Variants in MAOB observed in about 807,000 individuals in gnomAD.
The protein encoded by MAOB is amine oxidase [flavin-containing] B.
MAOB carries 15 observed loss-of-function variants against 41.9 expected under a neutral mutation model. That is an observed-to-expected ratio of 0.36 (90% confidence interval 0.24 to 0.55). The LOEUF is 0.55. Among genes scored for constraint, MAOB ranks in the 20% least tolerant of loss-of-function variants. MAOB has a pLI of 0.86. For missense variants in MAOB, 345 were observed against 398.7 expected (o/e 0.87, Z 1.15); for synonymous variants, 167 against 144.2 (o/e 1.16, Z -1.13).
intron 1 of MAOB, among the ~76,000 whole-genome samples, chrX:43,847,373 G>A (rs1258545789): frequency 9.0e-6 from 1 of 111,081 alleles, no homozygotes; most frequent in African/African-American, 3.3e-5. Context: ...AAAATGCCCA[G>A]AGTAATAACA....
chrX:43,802,744 A>C (rs2034611633), intron 4 of MAOB, among the ~76,000 whole-genome samples: 1 of 108,518 alleles, frequency 9.2e-6, no homozygotes, highest in Non-Finnish European at 1.9e-5. Context: ...ACATATGGAC[A>C]CAGGGAGGGG....
chrX:43,782,681 G>C, intron 8 of MAOB, among the ~76,000 whole-genome samples: 1 of 111,052 alleles, frequency 9.0e-6, no homozygotes, highest in Admixed American at 9.6e-5. Context: ...TGGCAGAGAC[G>C]CAACAAAAAA....
In MAOB at chrX:43,795,848, C is replaced by T. The variant is rs980435225; in HGVS notation, c.659G>A (p.Arg220Gln). Residue 220 changes from arginine to glutamine, a missense_variant, in exon 7 of 15, where the codon CGG becomes CAG. Arg to Gln is a conservative substitution (Grantham distance 43). Transcript: ENST00000378069. ...FVGGSGQVSE[R>Q]IMDLLGDRVK... ...TCGGTCTCCAAGGAGGTCCATTATC[C>T]GCTCACTCACTTGACCAGATCCGCC... 13 of 1,208,016 alleles carry T rather than the reference C, an allele frequency of 1.1e-5. No homozygotes were observed. Among genetic ancestry groups the T allele is most frequent in the Admixed American group, 8.8e-5 (4 of 45,674 alleles).
intron 1 of MAOB, among the ~76,000 whole-genome samples, chrX:43,865,800 T>C (rs981545542): frequency 9.2e-6 from 1 of 109,248 alleles, no homozygotes; most frequent in African/African-American, 3.3e-5. Flanking sequence ...TTTTTTTTTT[T>C]TCTGGCTGCA....
At chrX:43,832,628 T>C (rs547478978) in intron 3 of MAOB, among the ~76,000 whole-genome samples, 1 of 112,120 alleles carries the variant, frequency 8.9e-6, no homozygotes, top group African/African-American at 3.2e-5. Context: ...TAGCTTACTT[T>C]ATTGTAAGAA....
At position 43,787,882 on chromosome X, in the gene MAOB, A is replaced by T. The variant is rs989340027; in HGVS notation, c.928+5537T>A. On this transcript the variant is annotated intron_variant, in intron 8 of 14. Coordinates refer to ENST00000378069, the MANE Select transcript of MAOB (RefSeq NM_000898.5). Reference sequence around the variant, plus strand: ...TTTACAAAATGATACTTTGTTAATGATAAAAATTACAAATTATAGATAAAT... The same window carrying T: ...TTTACAAAATGATACTTTGTTAATGTTAAAAATTACAAATTATAGATAAAT... Among the ~76,000 whole-genome samples the T allele has an allele frequency of 5.3e-5, 6 of 112,625 alleles. No individual in the cohort carries two copies. In the South Asian group the frequency reaches 1.5e-3, roughly 27 times the overall value.
In MAOB at chrX:43,778,786, G is replaced by A. The variant is rs1460126778; in HGVS notation, c.1080-47C>T. On this transcript the variant is annotated intron_variant, in intron 10 of 14. Transcript: ENST00000378069. ...AGAGAAAATAAAGGAAAGAAGGGAGGGAAAAAAAAAGTGGGAAAGAGGCAT... is the reference window on the plus strand; with the variant it reads ...AGAGAAAATAAAGGAAAGAAGGGAGAGAAAAAAAAAGTGGGAAAGAGGCAT... The A allele has an allele frequency of 3.4e-5, 35 of 1,031,474 alleles. No individual in the cohort carries two copies. In the Admixed American group the frequency reaches 4.4e-4, roughly 13 times the overall value. 85.0% of individuals were successfully genotyped at this position (1,031,474 alleles called of 1,213,427 possible).
chrX:43,851,887 C>T (rs2035254528), intron 1 of MAOB, among the ~76,000 whole-genome samples: 2 of 111,731 alleles, frequency 1.8e-5, no homozygotes, highest in Non-Finnish European at 3.8e-5. Flanking sequence ...TCAGTGATGC[C>T]AAAGCCTGGC....
chrX:43,803,711 A>T (rs1006728774), intron 3 of MAOB, among the ~76,000 whole-genome samples: 2 of 112,095 alleles, frequency 1.8e-5, no homozygotes, highest in Non-Finnish European at 3.8e-5. Context: ...AACCTAAGGA[A>T]ATCTTATTTG....
At chrX:43,816,233 G>A (rs1027717427) in intron 3 of MAOB, among the ~76,000 whole-genome samples, 3 of 111,953 alleles carry the variant, frequency 2.7e-5, no homozygotes, top group Non-Finnish European at 3.8e-5. Flanking sequence ...GGGAACATGA[G>A]GAGGCCTGTG....
At chrX:43,812,248 G>A (rs1448021111) in intron 3 of MAOB, among the ~76,000 whole-genome samples, 1 of 112,200 alleles carries the variant, frequency 8.9e-6, no homozygotes, top group African/African-American at 3.2e-5. Flanking sequence ...TAATCTGTTG[G>A]TGGACACTTA....
intron 3 of MAOB, among the ~76,000 whole-genome samples, chrX:43,811,368 G>C (rs1442726497): frequency 9.0e-6 from 1 of 111,118 alleles, no homozygotes; most frequent in Non-Finnish European, 1.9e-5. Flanking sequence ...CCTGAGGAGT[G>C]ACCTTTTTCT....
chrX:43,805,938 T>C (rs755752651), intron 3 of MAOB, among the ~76,000 whole-genome samples: 49 of 112,684 alleles, frequency 4.3e-4, no homozygotes, highest in South Asian at 1.5e-3. Flanking sequence ...GACTTTTCTT[T>C]TATGCTTTAT....
rs147947058 is a variant in MAOB, at chrX:43,785,070, C to T, written c.929-3526G>A. Among the ~76,000 whole-genome samples the T allele has an allele frequency of 3.0e-3, 337 of 112,851 alleles. 1 individual carries two copies. Among genetic ancestry groups the T allele is most frequent in the African/African-American group, 0.01 (312 of 31,106 alleles). Reference sequence around the variant, plus strand: ...GGCTGAGGCAGGAGAATCACTTGAACCAGGGAGCCGGAAGTTGCCGTGAGC... The same window carrying T: ...GGCTGAGGCAGGAGAATCACTTGAATCAGGGAGCCGGAAGTTGCCGTGAGC... On this transcript the variant is annotated intron_variant, in intron 8 of 14. Coordinates refer to ENST00000378069, the MANE Select transcript of MAOB (RefSeq NM_000898.5).
chrX:43,870,212 G>A (rs946472103), intron 1 of MAOB, among the ~76,000 whole-genome samples: 2 of 112,234 alleles, frequency 1.8e-5, no homozygotes, highest in South Asian at 3.7e-4. Context: ...TCACAGATTA[G>A]GGCTGTTTCA....
Position 43,881,574 on chromosome X carries a change from G to A in MAOB, c.46+680C>T, listed in dbSNP as rs556312248. ...TACACAGCCCCGTGTGGCTGAGGGG[G>A]TAGTGTCTGTCCCCATCCTTGCCAA... On this transcript the variant is annotated intron_variant, in intron 1 of 14. Coordinates refer to ENST00000378069, the MANE Select transcript of MAOB (RefSeq NM_000898.5). Among the ~76,000 whole-genome samples, 52 of 112,245 alleles carry A rather than the reference G, an allele frequency of 4.6e-4. 1 individual carries two copies. The South Asian group carries it at 0.019, about 41-fold the overall frequency.
At chrX:43,772,833 G>A (rs1172862622) in intron 12 of MAOB, among the ~76,000 whole-genome samples, 1 of 110,697 alleles carries the variant, frequency 9.0e-6, no homozygotes, top group African/African-American at 3.3e-5. Context: ...AAGAGTGTAT[G>A]GTACCTCTCC....
chrX:43,851,694 G>A (rs1003715516), intron 1 of MAOB, among the ~76,000 whole-genome samples: 1 of 111,456 alleles, frequency 9.0e-6, no homozygotes, highest in Non-Finnish European at 1.9e-5. Flanking sequence ...TTATGAAGAG[G>A]GTTAGAAGTC....
At chrX:43,771,756 A>C (rs1036011762) in intron 12 of MAOB, among the ~76,000 whole-genome samples, 1 of 111,695 alleles carries the variant, frequency 9.0e-6, no homozygotes, top group African/African-American at 3.3e-5. Context: ...TATAAATCAG[A>C]ATATGTGAAA....
Sources: allele counts gnomAD v4.1 joint callset (sites outside exome capture counted in the v4.1 genomes callset), GRCh38; gene constraint gnomAD v4.1.1; transcripts MANE v1.5; gene names NCBI Gene and HGNC (gene_info 2026-07-23, HGNC 2026-07-21).